IGF2BP2: variants seen among roughly 807,000 people sequenced by gnomAD.
The protein encoded by IGF2BP2 is insulin-like growth factor 2 mRNA-binding protein 2.
A neutral mutation model predicts 75.8 loss-of-function variants in IGF2BP2; 17 were observed. That is an observed-to-expected ratio of 0.22 (90% confidence interval 0.15 to 0.34). The LOEUF (loss-of-function observed/expected upper bound fraction) is 0.34. IGF2BP2 is among the 10% of genes least tolerant of loss of function. The pLI, the probability that IGF2BP2 is intolerant of heterozygous loss-of-function variation, is 1.00. For missense variants in IGF2BP2, 516 were observed against 772.4 expected, an observed-to-expected ratio of 0.67 and a Z score of 3.93; for synonymous variants, 288 against 295.6, an observed-to-expected ratio of 0.97 and a Z score of 0.26.
At chr3:185,785,360 G>A (rs1044839469) in intron 2 of IGF2BP2, among the ~76,000 whole-genome samples, 13 of 150,404 alleles carry the variant, frequency 8.6e-5, no homozygotes, top group African/African-American at 3.2e-4. Flanking sequence ...TTTCGGGGTA[G>A]AGACCGTTAT....
At chr3:185,786,362 T>C (rs1735887734) in intron 2 of IGF2BP2, among the ~76,000 whole-genome samples, 1 of 152,158 alleles carries the variant, frequency 6.6e-6, no homozygotes, top group Admixed American at 6.5e-5. Context: ...TGCACGTATA[T>C]GTCCACATGG....
intron 2 of IGF2BP2, among the ~76,000 whole-genome samples, chr3:185,822,205 G>A (rs1741456672): frequency 2.6e-5 from 4 of 152,096 alleles, no homozygotes; most frequent in Admixed American, 2.6e-4. Flanking sequence ...ACAAAAATCA[G>A]GTGGTTAAAC....
chr3:185,646,172 GC>G (rs1373956421), intron 15 of IGF2BP2, among the ~76,000 whole-genome samples: 1 of 152,176 alleles, frequency 6.6e-6, no homozygotes, highest in African/African-American at 2.4e-5. Context: ...CATTCCCAGG[GC>G]CCTGAGGAGC....
chr3:185,756,835 C>A (rs1731685380), intron 2 of IGF2BP2, among the ~76,000 whole-genome samples: 1 of 152,080 alleles, frequency 6.6e-6, no homozygotes, highest in Non-Finnish European at 1.5e-5. Flanking sequence ...ATTAGCCAGG[C>A]ATGGTGGTGA....
chr3:185,667,260 T>G lies in IGF2BP2; in HGVS notation c.1200+5281A>C, dbSNP rs192966964. Among the ~76,000 whole-genome samples the G allele has an allele frequency of 4.6e-5, 7 of 152,316 alleles. No individual in the cohort carries two copies. The East Asian group carries it at 1.3e-3, about 29-fold the overall frequency. ...GTATCTCAGTATAAGTCAAGATAAA[T>G]TCTCCATGAATTGCAGACATACACA... is the stretch of plus-strand genomic sequence containing the variant. On this transcript the variant is annotated intron_variant, in intron 10 of 15. Transcript: ENST00000382199.
chr3:185,722,321 T>C (rs1726696196), intron 2 of IGF2BP2: 2 of 451,094 alleles, frequency 4.4e-6, no homozygotes, highest in African/African-American at 4.0e-5. Context: ...CAGAGAGATA[T>C]AAGATGAGAG....
intron 10 of IGF2BP2, among the ~76,000 whole-genome samples, chr3:185,666,305 A>G (rs552313093): frequency 1.2e-4 from 19 of 152,206 alleles, no homozygotes; most frequent in Non-Finnish European, 2.2e-4. Flanking sequence ...AGTTAATTCT[A>G]AACAACTGGA....
chr3:185,777,538 C>A (rs1057137406), intron 2 of IGF2BP2, among the ~76,000 whole-genome samples: 27 of 151,774 alleles, frequency 1.8e-4, no homozygotes, highest in African/African-American at 6.3e-4. Context: ...AAAAGAAAAA[C>A]CCCAAAACAC....
At position 185,647,246 on chromosome 3, in the gene IGF2BP2, C is replaced by A; in HGVS notation, c.1594-108G>T. On this transcript the variant is annotated intron_variant, in intron 14 of 15. Transcript: ENST00000382199. This position sits in a 1 kb window ranked among gnomAD's most constrained non-coding sequence, Gnocchi z 4.9. ...AGGTGGAGCAGGGGAAGGAGGGGGG[C>A]TGGACTCTGCTCTCCTTTCCTTTTA... is the stretch of plus-strand genomic sequence containing the variant. The A allele has an allele frequency of 1.3e-6, 1 of 792,288 alleles. No individual in the cohort carries two copies. The highest frequency in any genetic ancestry group is 2.2e-6 in the Non-Finnish European group (1 of 448,102). The allele number at this position is 792,288 out of a possible 1,614,324, so 49.1% of individuals were successfully genotyped here.
Position 185,644,508 on chromosome 3 carries a change from A to G in IGF2BP2, c.*1023T>C, listed in dbSNP as rs2149012062. 1 of 149,484 alleles carries G rather than the reference A, an allele frequency of 6.7e-6. No individual in the cohort carries two copies. The highest frequency in any genetic ancestry group is 2.0e-4 in the East Asian group (1 of 4,948). The allele number at this position is 149,484 out of a possible 1,614,324, so 9.3% of individuals were successfully genotyped here. A position where few individuals can be genotyped will look rare whatever the true frequency, so the allele number is the denominator to read the frequency against. On this transcript the variant is annotated 3_prime_UTR_variant, in exon 16 of 16. Transcript: ENST00000382199. ...CCATTGACTCTTGTTCTTTTGAGTAACCAAGTGTAAGTTGAGGCTGGTTTG... is the reference window on the plus strand; with the variant it reads ...CCATTGACTCTTGTTCTTTTGAGTAGCCAAGTGTAAGTTGAGGCTGGTTTG...
At chr3:185,684,882 T>G (rs2149293273) in intron 7 of IGF2BP2, among the ~76,000 whole-genome samples, 1 of 152,222 alleles carries the variant, frequency 6.6e-6, no homozygotes, top group South Asian at 2.1e-4. Context: ...TGCTCATGGT[T>G]GTAGCCTCAA....
At chr3:185,766,103 C>G (rs1733010060) in intron 2 of IGF2BP2, among the ~76,000 whole-genome samples, 1 of 152,108 alleles carries the variant, frequency 6.6e-6, no homozygotes, top group Admixed American at 6.5e-5. Context: ...GCAAACTCAT[C>G]CTTCTCGGGA....
intron 10 of IGF2BP2, among the ~76,000 whole-genome samples, chr3:185,659,863 C>T (rs751408070): frequency 4.0e-5 from 6 of 151,656 alleles, no homozygotes; most frequent in African/African-American, 7.3e-5. Context: ...GGCGCAATCT[C>T]GGCTCACTGC....
At chr3:185,719,629 T>C (rs1726192032) in intron 2 of IGF2BP2, among the ~76,000 whole-genome samples, 1 of 151,954 alleles carries the variant, frequency 6.6e-6, no homozygotes, top group Admixed American at 6.6e-5. Context: ...AGGTCAGGAG[T>C]TCCAGACCAG....
chr3:185,667,126 G>A (rs1053518856), intron 10 of IGF2BP2, among the ~76,000 whole-genome samples: 4 of 152,182 alleles, frequency 2.6e-5, no homozygotes, highest in Non-Finnish European at 5.9e-5. Flanking sequence ...GTTGGCATTC[G>A]ATGAGATTCA....
intron 7 of IGF2BP2, among the ~76,000 whole-genome samples, chr3:185,677,068 T>TATATATATATATAGAGAGAGAG: frequency 1.4e-3 from 51 of 35,838 alleles, no homozygotes; most frequent in Non-Finnish European, 1.8e-3. Flanking sequence ...TATATATATA[T>TATATATATATATAGAGAGAGAG]AGAGAGAGAG....
At chr3:185,657,670 G>A (rs1715678552) in intron 11 of IGF2BP2, among the ~76,000 whole-genome samples, 1 of 152,214 alleles carries the variant, frequency 6.6e-6, no homozygotes. Context: ...TCCAAAAGCT[G>A]TCTGATCGCA....
chr3:185,703,459 A>G (rs1723582858), intron 2 of IGF2BP2, among the ~76,000 whole-genome samples: 1 of 152,136 alleles, frequency 6.6e-6, no homozygotes, highest in South Asian at 2.1e-4. Context: ...AAATAAAATC[A>G]TATTTAACTA....
chr3:185,761,169 T>A (rs6799330), intron 2 of IGF2BP2, among the ~76,000 whole-genome samples: 1 of 151,812 alleles, frequency 6.6e-6, no homozygotes, highest in Non-Finnish European at 1.5e-5. Flanking sequence ...GGTGTTAGGC[T>A]CCAACGAAAG....
Sources: allele counts gnomAD v4.1 joint callset (sites outside exome capture counted in the v4.1 genomes callset), GRCh38; gene constraint gnomAD v4.1.1; non-coding constraint Gnocchi (gnomAD v3.1); transcripts MANE v1.5; gene names NCBI Gene and HGNC (gene_info 2026-07-23, HGNC 2026-07-21).